Variants in GRIK1 observed in about 807,000 individuals in gnomAD.
The protein encoded by GRIK1 is glutamate ionotropic receptor kainate type subunit 1.
A neutral mutation model predicts 105.7 loss-of-function variants in GRIK1; 69 were observed. That is an observed-to-expected ratio of 0.65 (90% confidence interval 0.54 to 0.80). GRIK1 has a LOEUF of 0.80. Ranked by LOEUF, GRIK1 falls within the 30% of genes least tolerant of loss-of-function variation. The pLI, the probability that GRIK1 is intolerant of heterozygous loss-of-function variation, is 0.00. For missense variants in GRIK1, 1,109 were observed against 1,167.3 expected (o/e 0.95, Z 0.73); for synonymous variants, 438 against 431.3 (o/e 1.02, Z -0.19).
chr21:29,563,620 A>G (rs1329181424), intron 14 of GRIK1, among the ~76,000 whole-genome samples: 1 of 152,208 alleles, frequency 6.6e-6, no homozygotes, highest in African/African-American at 2.4e-5. Flanking sequence ...GATAATGCTA[A>G]ACTTATAGTA....
At chr21:29,739,021 C>G (rs2146929931) in intron 1 of GRIK1, among the ~76,000 whole-genome samples, 1 of 152,174 alleles carries the variant, frequency 6.6e-6, no homozygotes, top group Non-Finnish European at 1.5e-5. Context: ...CTACAATGTG[C>G]CAGAATGGTT....
intron 15 of GRIK1, among the ~76,000 whole-genome samples, chr21:29,560,758 C>G (rs1201181266): frequency 2.0e-5 from 3 of 151,380 alleles, no homozygotes; most frequent in African/African-American, 7.3e-5. Flanking sequence ...CATGGCACCA[C>G]AGCCAGCTAA....
At chr21:29,823,280 A>G (rs2067355714) in intron 1 of GRIK1, among the ~76,000 whole-genome samples, 1 of 152,014 alleles carries the variant, frequency 6.6e-6, no homozygotes, top group East Asian at 1.9e-4. Flanking sequence ...ATAGAAGGAC[A>G]GAAACAACAC....
chr21:29,905,617 G>GTTT (rs2070588752), intron 1 of GRIK1, among the ~76,000 whole-genome samples: 1 of 103,778 alleles, frequency 9.6e-6, no homozygotes, highest in South Asian at 3.3e-4. Flanking sequence ...AGCAAATTTT[G>GTTT]TATTTTTTTT....
At chr21:29,835,046 G>C (rs1036765584) in intron 1 of GRIK1, among the ~76,000 whole-genome samples, 1 of 152,062 alleles carries the variant, frequency 6.6e-6, no homozygotes. Context: ...GATCACTAAT[G>C]CTCCAGGTAG....
chr21:29,833,828 C>G (rs562934168), intron 1 of GRIK1, among the ~76,000 whole-genome samples: 1 of 152,114 alleles, frequency 6.6e-6, no homozygotes, highest in African/African-American at 2.4e-5. Flanking sequence ...ACAGCACACA[C>G]CACTCCCCTT....
chr21:29,693,306 C>A (rs2063621586), intron 2 of GRIK1, among the ~76,000 whole-genome samples: 1 of 152,204 alleles, frequency 6.6e-6, no homozygotes, highest in Non-Finnish European at 1.5e-5. Flanking sequence ...AGAAACCTTG[C>A]AGCCAACATA....
chr21:29,758,677 T>A (rs2065418973), intron 1 of GRIK1, among the ~76,000 whole-genome samples: 1 of 152,238 alleles, frequency 6.6e-6, no homozygotes, highest in Non-Finnish European at 1.5e-5. Flanking sequence ...ATCATTAGAC[T>A]AATTTACTTC....
intron 1 of GRIK1, among the ~76,000 whole-genome samples, chr21:29,792,861 TA>T (rs2066460451): frequency 6.6e-6 from 1 of 151,956 alleles, no homozygotes; most frequent in African/African-American, 2.4e-5. Flanking sequence ...GCACGAAGAG[TA>T]ATTGTTTTAC....
chr21:29,849,050 G>T (rs532465562), intron 1 of GRIK1, among the ~76,000 whole-genome samples: 1 of 152,024 alleles, frequency 6.6e-6, no homozygotes, highest in East Asian at 1.9e-4. Context: ...ACATAGTATA[G>T]TTCCTGGCAT....
In GRIK1 at chr21:29,689,929, A is replaced by T; in HGVS notation, c.343T>A (p.Ser115Thr). 1.3e-6 allele frequency: 2 copies of T among 1,560,310 alleles called. No individual in the cohort carries two copies. Among genetic ancestry groups the T allele is most frequent in the South Asian group, 2.2e-5 (2 of 90,364 alleles). The change falls in exon 3 of 18, where the codon TCC becomes ACC. Residue 115 changes from serine to threonine, a missense_variant. Coordinates refer to ENST00000327783, the MANE Select transcript of GRIK1 (RefSeq NM_001330994.2). ...CAAATAGACTGCACAGCACTGACGG[A>T]GGAGCTATGGGAAGGGCCAAAGAGA... ...AALFGPSHSS[S>T]VSAVQSICNA...
rs576784521 is a variant in GRIK1, at chr21:29,678,144, G to C, written c.545-4980C>G. On this transcript the variant is annotated intron_variant, in intron 3 of 17. Coordinates refer to ENST00000327783, the MANE Select transcript of GRIK1 (RefSeq NM_001330994.2). ...TTAAATGTTAATTTCTTCTCTATTT[G>C]AACTTGGAAATATGCAAAATGGCAT... is the stretch of plus-strand genomic sequence containing the variant. Among the ~76,000 whole-genome samples, 274 of 152,190 alleles carry C rather than the reference G, an allele frequency of 1.8e-3. 1 individual carries two copies. Among genetic ancestry groups the C allele is most frequent in the Non-Finnish European group, 3.0e-3 (201 of 68,016 alleles).
chr21:29,697,038 A>ACTTTT (rs1601477137), intron 1 of GRIK1, among the ~76,000 whole-genome samples: 1 of 152,226 alleles, frequency 6.6e-6, no homozygotes, highest in East Asian at 1.9e-4. Flanking sequence ...AGAAGATTAC[A>ACTTTT]CATTACATCC....
intron 1 of GRIK1, chr21:29,760,149 G>GAA (rs573601934): frequency 6.6e-6 from 1 of 152,220 alleles, no homozygotes; most frequent in Non-Finnish European, 1.5e-5. Flanking sequence ...AGCCTTACCT[G>GAA]TTTCTTCCTA....
chr21:29,701,666 G>C (rs1178759965), intron 1 of GRIK1, among the ~76,000 whole-genome samples: 1 of 152,214 alleles, frequency 6.6e-6, no homozygotes, highest in Non-Finnish European at 1.5e-5. Context: ...ATTAAGAATA[G>C]ACTGAAGGGA....
At chr21:29,562,823 T>C (rs1486460553) in intron 14 of GRIK1, among the ~76,000 whole-genome samples, 1 of 152,178 alleles carries the variant, frequency 6.6e-6, no homozygotes, top group African/African-American at 2.4e-5. Flanking sequence ...ATAGATTCAG[T>C]AATAAATTAT....
intron 16 of GRIK1, among the ~76,000 whole-genome samples, chr21:29,545,609 G>A (rs935079085): frequency 2.0e-5 from 3 of 152,098 alleles, no homozygotes; most frequent in Non-Finnish European, 2.9e-5. Context: ...GTGATGTGTA[G>A]GGTGTTAGTT....
chr21:29,607,801 G>A (rs911848460), intron 7 of GRIK1, among the ~76,000 whole-genome samples: 5 of 151,926 alleles, frequency 3.3e-5, no homozygotes, highest in African/African-American at 7.2e-5. Context: ...TTCTTATACT[G>A]GTTTACCAAT....
At chr21:29,554,299 C>T (rs958740617) in intron 16 of GRIK1, among the ~76,000 whole-genome samples, 7 of 152,076 alleles carry the variant, frequency 4.6e-5, no homozygotes, top group Non-Finnish European at 1.0e-4. Flanking sequence ...TGACCATAAA[C>T]TTTATATTTT....
Sources: allele counts gnomAD v4.1 joint callset (sites outside exome capture counted in the v4.1 genomes callset), GRCh38; gene constraint gnomAD v4.1.1; transcripts MANE v1.5; gene names NCBI Gene and HGNC (gene_info 2026-07-23, HGNC 2026-07-21).